Variants in USP53 observed in about 807,000 individuals in gnomAD.
USP53 encodes ubiquitin carboxyl-terminal hydrolase 53.
In USP53, 71 loss-of-function variants were observed where a neutral mutation model predicts 94.9. The ratio of observed to expected loss-of-function variants is 0.75; its 90% CI spans 0.62 to 0.91. The LOEUF is 0.91. USP53 is among the 40% of genes least tolerant of loss of function. USP53 has a pLI of 0.00. For synonymous variants in USP53, 375 were observed against 422.7 expected, an observed-to-expected ratio of 0.89 and a Z score of 1.39; for missense variants, 1,173 against 1,281.0, an observed-to-expected ratio of 0.92 and a Z score of 1.29.
intron 17 of USP53, among the ~76,000 whole-genome samples, chr4:119,278,026 C>T (rs1156564243): frequency 6.8e-6 from 1 of 146,508 alleles, no homozygotes; most frequent in Admixed American, 6.9e-5. Flanking sequence ...CTGAATACAG[C>T]ACACTGATGG....
Position 119,268,262 on chromosome 4 carries a change from T to C in USP53, c.1136-6T>C. The C allele has an allele frequency of 6.2e-7, 1 of 1,605,306 alleles. No homozygotes were observed. The highest frequency in any genetic ancestry group is 2.2e-5 in the East Asian group (1 of 44,798). Reference sequence around the variant, plus strand: ...GGAATGATACATTTTTGCTTCTCTTTTTAAGGATGTGAAAAGCCTGTAATT... The same window carrying C: ...GGAATGATACATTTTTGCTTCTCTTCTTAAGGATGTGAAAAGCCTGTAATT... On this transcript the variant is annotated splice_region_variant and splice_polypyrimidine_tract_variant and intron_variant, in intron 13 of 18. Coordinates refer to ENST00000692078, the MANE Select transcript of USP53 (RefSeq NM_001371395.1).
At chr4:119,248,158 A>T (rs1001298566) in intron 6 of USP53, among the ~76,000 whole-genome samples, 3 of 152,050 alleles carry the variant, frequency 2.0e-5, no homozygotes, top group Non-Finnish European at 4.4e-5. Flanking sequence ...ATTGAAAATC[A>T]TATTAACAAC....
chr4:119,259,098 T>C (rs1004335934), intron 9 of USP53, among the ~76,000 whole-genome samples: 7 of 151,944 alleles, frequency 4.6e-5, no homozygotes, highest in African/African-American at 1.5e-4. Context: ...CTGAGGAACA[T>C]GGTGAAACTC....
At chr4:119,222,703 G>C (rs62328360) in intron 3 of USP53, among the ~76,000 whole-genome samples, 3 of 151,814 alleles carry the variant, frequency 2.0e-5, no homozygotes, top group Admixed American at 2.0e-4. Context: ...ATCCATTGGC[G>C]GACTTAAGAC....
chr4:119,287,200 G>A (rs755585460), intron 17 of USP53, among the ~76,000 whole-genome samples: 3 of 151,858 alleles, frequency 2.0e-5, no homozygotes, highest in Non-Finnish European at 4.4e-5. Context: ...TAACTTCTGG[G>A]CAAATTTTTT....
intron 3 of USP53, among the ~76,000 whole-genome samples, chr4:119,227,523 G>A (rs1257399609): frequency 6.6e-6 from 1 of 152,152 alleles, no homozygotes; most frequent in African/African-American, 2.4e-5. Flanking sequence ...CCAGCTACTC[G>A]GGAAGCTGAG....
intron 17 of USP53, among the ~76,000 whole-genome samples, chr4:119,274,591 T>C (rs1752343265): frequency 6.6e-6 from 1 of 151,714 alleles, no homozygotes; most frequent in Non-Finnish European, 1.5e-5. Context: ...GCATGATTTA[T>C]AGTCATTTGG....
At chr4:119,265,079 C>A (rs1201319890) in intron 12 of USP53, among the ~76,000 whole-genome samples, 1 of 152,084 alleles carries the variant, frequency 6.6e-6, no homozygotes, top group East Asian at 1.9e-4. Flanking sequence ...ATATGAAATT[C>A]TAGAAGGAAA....
In USP53 at chr4:119,269,722, G is replaced by T; in HGVS notation, c.1320G>T (p.Lys440Asn). The change falls in exon 15 of 19, where the codon AAG becomes AAT. Residue 440 changes from lysine (K) to asparagine (N), a missense_variant. By Grantham distance (94) the Lys-to-Asn change is moderately conservative. Coordinates refer to ENST00000692078, the MANE Select transcript of USP53 (RefSeq NM_001371395.1). ...AKLSHIDQRE[K>N]IKDISRECAL... ...TAAGTCACATTGATCAAAGGGAAAA[G>T]ATAAAAGACATTTCCAGAGAATGTG... 2 of 1,494,522 alleles carry T rather than the reference G, an allele frequency of 1.3e-6. No individual in the cohort carries two copies. Among genetic ancestry groups the T allele is most frequent in the Non-Finnish European group, 1.8e-6 (2 of 1,124,114 alleles). 92.6% of individuals were successfully genotyped at this position (1,494,522 alleles called of 1,614,324 possible).
intron 17 of USP53, among the ~76,000 whole-genome samples, chr4:119,274,422 C>G (rs370623451): frequency 3.3e-5 from 5 of 151,854 alleles, no homozygotes; most frequent in Admixed American, 2.6e-4. Context: ...ACAAAGGACA[C>G]GAACTCATCA....
chr4:119,256,970 A>G (rs1434949185), intron 9 of USP53, among the ~76,000 whole-genome samples: 1 of 152,164 alleles, frequency 6.6e-6, no homozygotes, highest in Non-Finnish European at 1.5e-5. Context: ...AGGTTATTGC[A>G]TTTGAGGACT....
chr4:119,225,147 A>G (rs1437394610), intron 3 of USP53, among the ~76,000 whole-genome samples: 1 of 152,226 alleles, frequency 6.6e-6, no homozygotes, highest in Admixed American at 6.5e-5. Flanking sequence ...CATTAAGGGG[A>G]TAATACAGAG....
intron 15 of USP53, 93 bp from the exon 16 acceptor site, chr4:119,271,203 C>T: frequency 6.7e-7 from 1 of 1,484,172 alleles, no homozygotes; most frequent in South Asian, 1.5e-5. Context: ...ACCTAAAACT[C>T]TTTAACATTT....
rs542277451 is a variant in USP53, at chr4:119,292,880, G to A, written c.2891G>A (p.Ser964Asn). ...ATSHLPKHSL[S>N]TASEPSLEVS... The stretch of plus-strand genomic sequence containing the variant: ...TCTCATCTTCCGAAGCACAGTTTAA[G>A]TACAGCTTCAGAACCAAGTTTAGAA... Residue 964 changes from serine to asparagine, a missense_variant, in exon 19 of 19, where the codon AGT becomes AAT. By Grantham distance (46) the Ser-to-Asn change is conservative (BLOSUM62 1). Coordinates refer to ENST00000692078, the MANE Select transcript of USP53 (RefSeq NM_001371395.1). 1.9e-6 allele frequency: 3 copies of A among 1,614,088 alleles called. No individual in the cohort carries two copies. The highest frequency in any genetic ancestry group is 2.2e-5 in the East Asian group (1 of 44,880).
intron 3 of USP53, among the ~76,000 whole-genome samples, chr4:119,230,111 C>T (rs1246014114): frequency 6.6e-6 from 1 of 152,130 alleles, no homozygotes; most frequent in Middle Eastern, 3.2e-3. Flanking sequence ...TCTGGTTTTG[C>T]ATATTTACAT....
chr4:119,247,754 C>T (rs1748447516), intron 6 of USP53, among the ~76,000 whole-genome samples: 1 of 152,084 alleles, frequency 6.6e-6, no homozygotes. Flanking sequence ...TAAACATTAC[C>T]TGGAAGTTAA....
At chr4:119,237,817 T>C (rs948752718) in intron 4 of USP53, among the ~76,000 whole-genome samples, 1 of 152,258 alleles carries the variant, frequency 6.6e-6, no homozygotes, top group African/African-American at 2.4e-5. Context: ...CTGTAGCTTC[T>C]CCATCAGCAT....
At chr4:119,222,494 A>G (rs577000832) in intron 3 of USP53, among the ~76,000 whole-genome samples, 1 of 152,098 alleles carries the variant, frequency 6.6e-6, no homozygotes. Context: ...TTTACTCTCT[A>G]TATCCATGAG....
chr4:119,271,284 T>C lies in USP53; in HGVS notation c.1436-12T>C, dbSNP rs761191472. 1 of 1,530,998 alleles carries C rather than the reference T, an allele frequency of 6.5e-7. No homozygotes were observed. The highest frequency in any genetic ancestry group is 1.3e-5 in the South Asian group (1 of 75,532). The allele number at this position is 1,530,998 out of a possible 1,614,324, so 94.8% of individuals were successfully genotyped here. ...GAGTAATTCATGTGTATCTTTAATT[T>C]TTTTTTTTAAGATTTGGTTGATGAA... On this transcript the variant is annotated splice_polypyrimidine_tract_variant and intron_variant, in intron 15 of 18. Coordinates refer to ENST00000692078, the MANE Select transcript of USP53 (RefSeq NM_001371395.1).
Sources: gnomAD v4.1 joint callset for allele counts (sites outside exome capture counted in the v4.1 genomes callset) on GRCh38, gnomAD v4.1.1 for gene constraint, MANE v1.5 for transcripts, NCBI Gene and HGNC (gene_info 2026-07-23, HGNC 2026-07-21) for gene names.